C11orf65: variants seen among roughly 807,000 people sequenced by gnomAD.
C11orf65 encodes the protein chromosome 11 open reading frame 65, also known as protein MFI.
In C11orf65, 38 loss-of-function variants were observed where a neutral mutation model predicts 35.3. The observed-to-expected ratio is 1.08, with a 90% CI of 0.83 to 1.41. The LOEUF is 1.41. Ranked by LOEUF, C11orf65 falls within the 40% of genes most tolerant of loss-of-function variation. C11orf65 has a pLI of 0.00. For synonymous variants in C11orf65, 105 were observed against 114.4 expected (o/e 0.92, Z 0.53); for missense variants, 370 against 367.1 (o/e 1.01, Z -0.06).
chr11:108,453,090 G>A (rs2093370551), intron 2 of C11orf65, among the ~76,000 whole-genome samples: 2 of 123,536 alleles, frequency 1.6e-5, no homozygotes, highest in Admixed American at 1.7e-4. Context: ...CATGGCACAT[G>A]TATACATTTG....
At chr11:108,388,999 G>T (rs543181728) in intron 7 of C11orf65, among the ~76,000 whole-genome samples, 1 of 152,236 alleles carries the variant, frequency 6.6e-6, no homozygotes, top group Non-Finnish European at 1.5e-5. Flanking sequence ...GGAGAGCATC[G>T]GTCTGTCATA....
At chr11:108,403,408 GGTTTTTTTTTT>G (rs897601080) in intron 6 of C11orf65, among the ~76,000 whole-genome samples, 1 of 70,956 alleles carries the variant, frequency 1.4e-5, no homozygotes, top group Non-Finnish European at 3.0e-5. Flanking sequence ...TTGTTTGAGA[GGTTTTTTTTTT>G]GTTTTTTTTT....
At chr11:108,320,216 C>T (rs1408914171) in intron 6 of C11orf65, among the ~76,000 whole-genome samples, 2 of 152,208 alleles carry the variant, frequency 1.3e-5, no homozygotes, top group Non-Finnish European at 1.5e-5. Context: ...CTCTGCCCTC[C>T]TTCAAAACAA....
rs1439341947 is a variant in C11orf65, at chr11:108,417,956, TTC to T, written c.175-10809_175-10808del. 1.1e-4 allele frequency among the ~76,000 whole-genome samples: 6 copies of T among 52,810 alleles called. No individual in the cohort carries two copies. In the South Asian group the frequency reaches 3.3e-3, roughly 29 times the overall value. 34.6% of individuals were successfully genotyped at this position (52,810 alleles called of 152,430 possible). ...ACACAATATTACTGACAGTAAAACT[TTC>T]TGATTTGTTAAAAAAAAAAAAAGAG... On this transcript the variant is annotated intron_variant, in intron 3 of 8. Transcript: ENST00000393084.
chr11:108,443,072 C>A (rs1363001570), intron 2 of C11orf65, among the ~76,000 whole-genome samples: 1 of 151,984 alleles, frequency 6.6e-6, no homozygotes, highest in Non-Finnish European at 1.5e-5. Context: ...TTCAGGAGAC[C>A]CATCTCATGT....
chr11:108,446,211 G>A (rs1688191528), intron 2 of C11orf65, among the ~76,000 whole-genome samples: 2 of 151,606 alleles, frequency 1.3e-5, no homozygotes, highest in African/African-American at 4.9e-5. Context: ...ACACTCTGCA[G>A]GATATTATCC....
In C11orf65 at chr11:108,365,363, T is replaced by C. The variant is rs1565608934; in HGVS notation, c.226+27845A>G. 6.2e-7 allele frequency: 1 copy of C among 1,614,056 alleles called. No individual in the cohort carries two copies. The highest frequency in any genetic ancestry group is 1.1e-5 in the South Asian group (1 of 91,092). On this transcript the variant is annotated intron_variant, in intron 2 of 3. Transcript: ENST00000524755. ...AGTTTCAACAAAGTAGCTGAACGTGTCTTAATGAGACTACAAGAGAAACTG... is the reference window on the plus strand; with the variant it reads ...AGTTTCAACAAAGTAGCTGAACGTGCCTTAATGAGACTACAAGAGAAACTG...
chr11:108,410,278 T>C (rs1208708723), intron 3 of C11orf65, among the ~76,000 whole-genome samples: 1 of 152,208 alleles, frequency 6.6e-6, no homozygotes, highest in East Asian at 1.9e-4. Context: ...TAGTTTTTAA[T>C]TGTATTTTCT....
intron 1 of C11orf65, among the ~76,000 whole-genome samples, chr11:108,465,982 TAA>T (rs1162955302): frequency 1.3e-4 from 17 of 126,102 alleles, no homozygotes; most frequent in Middle Eastern, 4.5e-3. Flanking sequence ...AAACTCGGTC[TAA>T]AAAAAAAAAA....
intron 6 of C11orf65, among the ~76,000 whole-genome samples, chr11:108,396,304 G>C (rs1254400568): frequency 6.6e-6 from 1 of 151,464 alleles, no homozygotes; most frequent in Admixed American, 6.6e-5. Flanking sequence ...TGTTGGCCAG[G>C]CTGGTCTCAA....
intron 5 of C11orf65, 26 bp downstream of exon 5, chr11:108,406,737 A>G (rs1386086787): frequency 1.1e-5 from 16 of 1,474,482 alleles, no homozygotes; most frequent in Non-Finnish European, 1.5e-5. Flanking sequence ...ACGTAAGGTT[A>G]AAAATTAACA....
At chr11:108,419,664 T>G (rs1172324766) in intron 3 of C11orf65, among the ~76,000 whole-genome samples, 1 of 152,218 alleles carries the variant, frequency 6.6e-6, no homozygotes, top group Non-Finnish European at 1.5e-5. Flanking sequence ...ATGGCACCAA[T>G]GCACTCCAGC....
At chr11:108,433,385 C>T (rs150754976) in intron 2 of C11orf65, among the ~76,000 whole-genome samples, 3,312 of 151,554 alleles carry the variant, frequency 0.022, 92 homozygotes, top group African/African-American at 0.069. Flanking sequence ...GAGACCACCC[C>T]GGCTAACACA....
At chr11:108,377,431 C>A (rs1167909292) in intron 2 of C11orf65, among the ~76,000 whole-genome samples, 1 of 152,136 alleles carries the variant, frequency 6.6e-6, no homozygotes, top group African/African-American at 2.4e-5. Flanking sequence ...AATTCAACAA[C>A]CCTTCATGCT....
chr11:108,413,205 C>T (rs1395022991), intron 3 of C11orf65, among the ~76,000 whole-genome samples: 1 of 152,184 alleles, frequency 6.6e-6, no homozygotes, highest in Admixed American at 6.5e-5. Context: ...TTTATTTGTA[C>T]AAATTTGTGC....
intron 2 of C11orf65, among the ~76,000 whole-genome samples, chr11:108,457,168 T>C (rs10890843): frequency 1 from 151,194 of 151,936 alleles, 75,235 homozygotes; most frequent in Middle Eastern, 1. Context: ...AATAGAGGAA[T>C]TAAAAAAAAA....
intron 3 of C11orf65, among the ~76,000 whole-genome samples, chr11:108,421,501 C>CA (rs1180423428): frequency 1.3e-5 from 2 of 151,674 alleles, no homozygotes; most frequent in East Asian, 1.9e-4. Context: ...ACTAAAAATA[C>CA]AAAAAAAATT....
chr11:108,452,981 C>T (rs1475681158), intron 2 of C11orf65, among the ~76,000 whole-genome samples: 1 of 126,018 alleles, frequency 7.9e-6, no homozygotes. Context: ...TGGGGAACAT[C>T]ACACACCAGG....
At chr11:108,368,694 C>A (rs1410343731) in intron 2 of C11orf65, 1 of 216,786 alleles carries the variant, frequency 4.6e-6, no homozygotes, top group Admixed American at 5.8e-5. Flanking sequence ...TTATAGACTG[C>A]TTGAACAGTT....
Sources: gnomAD v4.1 joint callset for allele counts (sites outside exome capture counted in the v4.1 genomes callset) on GRCh38, gnomAD v4.1.1 for gene constraint, MANE v1.5 for transcripts, NCBI Gene and HGNC (gene_info 2026-07-23, HGNC 2026-07-21) for gene names.